Variants in ASIC5 observed in about 807,000 individuals in gnomAD.
The protein encoded by ASIC5 is acid sensing ion channel subunit family member 5, also known as bile acid-sensitive ion channel.
A neutral mutation model predicts 51.2 loss-of-function variants in ASIC5; 52 were observed. The observed-to-expected ratio is 1.02, with a 90% confidence interval of 0.81 to 1.28. ASIC5 has a LOEUF of 1.28. Among genes scored for constraint, ASIC5 ranks in the 50% most tolerant of loss-of-function variants. The pLI is 0.00. For synonymous variants in ASIC5, 231 were observed against 200.7 expected (o/e 1.15, Z -1.28); for missense variants, 635 against 595.0 (o/e 1.07, Z -0.70).
At chr4:155,836,647 T>C (rs1740986711) in intron 8 of ASIC5, 42 bp downstream of exon 8, 1 of 1,285,144 alleles carries the variant, frequency 7.8e-7, no homozygotes, top group Non-Finnish European at 1.1e-6. Context: ...GAAAAAAAAA[T>C]CTATGTTAAT....
At chr4:155,863,386 C>A in intron 2 of ASIC5, 62 bp downstream of exon 2, 1 of 1,306,736 alleles carries the variant, frequency 7.7e-7, no homozygotes, top group Non-Finnish European at 1.0e-6. Flanking sequence ...TGTCAGTCAT[C>A]CAAGAAAGAT....
intron 2 of ASIC5, chr4:155,858,714 A>G (rs919509987): frequency 6.6e-6 from 1 of 152,084 alleles, no homozygotes; most frequent in Non-Finnish European, 1.5e-5. Context: ...GTGGATAATA[A>G]AGGCAAGCAG....
At chr4:155,836,915 G>C in intron 7 of ASIC5, 58 bp from the exon 8 acceptor site, 1 of 1,290,652 alleles carries the variant, frequency 7.7e-7, no homozygotes, top group South Asian at 1.5e-5. Context: ...TCATGGGTAG[G>C]ATAGTTTTAT....
intron 1 of ASIC5, among the ~76,000 whole-genome samples, chr4:155,865,802 A>G (rs1187124455): frequency 1.5e-4 from 23 of 152,152 alleles, no homozygotes; most frequent in Admixed American, 1.5e-3. Flanking sequence ...GAGTATATAC[A>G]GTGTCATTAT....
At chr4:155,837,104 A>G (rs1234774866) in intron 7 of ASIC5, among the ~76,000 whole-genome samples, 1 of 152,052 alleles carries the variant, frequency 6.6e-6, no homozygotes, top group African/African-American at 2.4e-5. Flanking sequence ...GATTTAAGAA[A>G]TTATTTTCAG....
chr4:155,853,522 T>C (rs1741437964), intron 3 of ASIC5, among the ~76,000 whole-genome samples: 1 of 149,286 alleles, frequency 6.7e-6, no homozygotes, highest in Non-Finnish European at 1.5e-5. Context: ...TGTTATGTAT[T>C]TGTTTTGTAT....
At chr4:155,849,293 C>T (rs1455645625) in intron 4 of ASIC5, among the ~76,000 whole-genome samples, 2 of 151,930 alleles carry the variant, frequency 1.3e-5, no homozygotes, top group East Asian at 1.9e-4. Context: ...CCTCGAGTGG[C>T]GAGGAGATTC....
chr4:155,834,748 C>T (rs1740939141), intron 8 of ASIC5, among the ~76,000 whole-genome samples: 1 of 152,038 alleles, frequency 6.6e-6, no homozygotes, highest in Non-Finnish European at 1.5e-5. Context: ...TGCCTTTTGG[C>T]CCACTACACC....
At chr4:155,862,760 C>T (rs900289590) in intron 2 of ASIC5, among the ~76,000 whole-genome samples, 2 of 152,100 alleles carry the variant, frequency 1.3e-5, no homozygotes, top group Admixed American at 6.6e-5. Flanking sequence ...GGCCTTGCCT[C>T]TACTACATTA....
At chr4:155,837,627 C>T (rs1741015738) in intron 7 of ASIC5, among the ~76,000 whole-genome samples, 1 of 152,066 alleles carries the variant, frequency 6.6e-6, no homozygotes, top group Non-Finnish European at 1.5e-5. Context: ...TGGTTACTGA[C>T]CAACTTTAGG....
chr4:155,834,608 A>G (rs1740936716), intron 8 of ASIC5, among the ~76,000 whole-genome samples: 1 of 152,150 alleles, frequency 6.6e-6, no homozygotes, highest in Admixed American at 6.5e-5. Context: ...AATAATTAAT[A>G]ATTATATGGA....
In ASIC5 at chr4:155,842,234, A is replaced by G; in HGVS notation, c.982T>C (p.Cys328Arg). Residue 328 changes from cysteine to arginine, a missense_variant, in exon 6 of 10, where the codon TGT becomes CGT. Transcript: ENST00000537611. ...GGAAGAAGAAAAGGCACACATCCACATTGCTTTTTTATGTGCTGGGCTTTG... is the reference window on the plus strand; with the variant it reads ...GGAAGAAGAAAAGGCACACATCCACGTTGCTTTTTTATGTGCTGGGCTTTG... Reference protein sequence around the residue: ...ECKAQHIKKQCGCVPFLLPGY... With the variant: ...ECKAQHIKKQRGCVPFLLPGY... 1 of 1,613,626 alleles carries G rather than the reference A, an allele frequency of 6.2e-7. No homozygotes were observed. Among genetic ancestry groups the G allele is most frequent in the East Asian group, 2.2e-5 (1 of 44,842 alleles).
rs1741177667 is a variant in ASIC5 at position 155,843,846 on chromosome 4, G to T, written c.712-16C>A. 6.2e-7 allele frequency: 1 copy of T among 1,612,740 alleles called. No homozygotes were observed. Among genetic ancestry groups the T allele is most frequent in the Non-Finnish European group, 8.5e-7 (1 of 1,179,296 alleles). ...TGAATGCCTCCTGAAACAAAAATATGTTTTTGCCCAAATTGCAAATTGACT... is the reference window on the plus strand; with the variant it reads ...TGAATGCCTCCTGAAACAAAAATATTTTTTTGCCCAAATTGCAAATTGACT... On this transcript the variant is annotated splice_polypyrimidine_tract_variant and intron_variant, in intron 4 of 9. Coordinates refer to ENST00000537611, the MANE Select transcript of ASIC5 (RefSeq NM_017419.3).
intron 6 of ASIC5, among the ~76,000 whole-genome samples, chr4:155,841,435 G>A (rs1741118215): frequency 6.6e-6 from 1 of 152,110 alleles, no homozygotes; most frequent in African/African-American, 2.4e-5. Context: ...GCAGAGGAGA[G>A]AGGTTAGGTC....
intron 3 of ASIC5, 62 bp downstream of exon 3, chr4:155,854,015 T>A: frequency 1.6e-6 from 2 of 1,275,746 alleles, no homozygotes; most frequent in Non-Finnish European, 2.2e-6. Flanking sequence ...GAGCTCAATG[T>A]GAAACAGTGC....
At chr4:155,850,234 T>A (rs985655515) in intron 4 of ASIC5, among the ~76,000 whole-genome samples, 4 of 151,958 alleles carry the variant, frequency 2.6e-5, no homozygotes, top group African/African-American at 4.8e-5. Flanking sequence ...CCTATTCTGA[T>A]TGCCTCCTTT....
intron 8 of ASIC5, among the ~76,000 whole-genome samples, chr4:155,832,630 T>C (rs1323280045): frequency 6.6e-6 from 1 of 152,218 alleles, no homozygotes; most frequent in African/African-American, 2.4e-5. Context: ...ATATTTCTAC[T>C]TGGATGTCTA....
chr4:155,844,253 C>T (rs867047985), intron 4 of ASIC5, among the ~76,000 whole-genome samples: 1 of 151,950 alleles, frequency 6.6e-6, no homozygotes, highest in African/African-American at 2.4e-5. Context: ...CTCCAGGGAT[C>T]CCTGATCTTC....
chr4:155,852,739 A>G (rs1438085226), intron 3 of ASIC5, among the ~76,000 whole-genome samples: 4 of 151,746 alleles, frequency 2.6e-5, no homozygotes, highest in Admixed American at 1.3e-4. Context: ...TCCTTTTCCA[A>G]CCACTACAGA....
Sources: allele counts gnomAD v4.1 joint callset (sites outside exome capture counted in the v4.1 genomes callset), GRCh38; gene constraint gnomAD v4.1.1; transcripts MANE v1.5; gene names NCBI Gene and HGNC (gene_info 2026-07-23, HGNC 2026-07-21).